Variants in CSNK1A1 observed in about 807,000 individuals in gnomAD.
CSNK1A1 encodes casein kinase I isoform alpha.
Under a neutral mutation model 46.1 loss-of-function variants are expected in CSNK1A1, and 7 were observed. The observed-to-expected ratio is 0.15, with a 90% confidence interval of 0.09 to 0.29. CSNK1A1 has a LOEUF of 0.29. CSNK1A1 is among the 10% of genes least tolerant of loss of function. The pLI, the probability that CSNK1A1 is intolerant of heterozygous loss-of-function variation, is 1.00. For missense variants in CSNK1A1, 96 were observed against 417.1 expected, an observed-to-expected ratio of 0.23 and a Z score of 6.71; for synonymous variants, 137 against 141.5, an observed-to-expected ratio of 0.97 and a Z score of 0.23.
chr5:149,550,992 C>A lies in CSNK1A1; in HGVS notation c.-28G>T. 1 of 1,613,144 alleles carries A rather than the reference C, an allele frequency of 6.2e-7. No homozygotes were observed. Among genetic ancestry groups the A allele is most frequent in the Non-Finnish European group, 8.5e-7 (1 of 1,179,762 alleles). ...TGAGAGACGAAGATGGAGGCTGGGG[C>A]CAAGCCCCGACACCTCTGGGAAGAG... On this transcript the variant is annotated 5_prime_UTR_variant, in exon 1 of 10. Coordinates refer to ENST00000377843, the MANE Select transcript of CSNK1A1 (RefSeq NM_001892.6). The surrounding 1 kb of genome is among the most constrained non-coding windows in gnomAD (Gnocchi z 4.3).
intron 9 of CSNK1A1, chr5:149,504,387 A>C: frequency 9.2e-6 from 9 of 978,318 alleles, no homozygotes; most frequent in Non-Finnish European, 1.1e-5. Flanking sequence ...AACACTAAAA[A>C]TGTGAAGCAA....
In CSNK1A1 at chr5:149,513,073, T is replaced by C; in HGVS notation, c.593A>G (p.Gln198Arg). 1 of 1,613,850 alleles carries C rather than the reference T, an allele frequency of 6.2e-7. No individual in the cohort carries two copies. Among genetic ancestry groups the C allele is most frequent in the Admixed American group, 1.7e-5 (1 of 59,980 alleles). The change falls in exon 5 of 10, where the codon CAG becomes CGG. Residue 198 changes from glutamine to arginine, a missense_variant. Transcript: ENST00000377843. ...ASINAHLGIE[Q>R]SRRDDMESLG... Reference sequence around the variant, plus strand: ...CACATTCCATTTTCGAACTTACCTCTGCTCAATACCAAGATGTGCATTGAT... The same window carrying C: ...CACATTCCATTTTCGAACTTACCTCCGCTCAATACCAAGATGTGCATTGAT...
intron 2 of CSNK1A1, among the ~76,000 whole-genome samples, chr5:149,529,260 T>A (rs188184916): frequency 6.7e-6 from 1 of 149,306 alleles, no homozygotes; most frequent in Non-Finnish European, 1.5e-5. Context: ...AATGAGTTCA[T>A]AATTTACACA....
intron 9 of CSNK1A1, chr5:149,504,947 G>A (rs887380968): frequency 1.1e-5 from 11 of 985,568 alleles, no homozygotes; most frequent in Non-Finnish European, 1.2e-5. Context: ...CTCACCTCTT[G>A]AAATTACAAC....
At chr5:149,544,881 A>C (rs1762422448) in intron 2 of CSNK1A1, among the ~76,000 whole-genome samples, 1 of 150,984 alleles carries the variant, frequency 6.6e-6, no homozygotes, top group Non-Finnish European at 1.5e-5. Context: ...CATGCCTGTA[A>C]TCCCAGCACT....
intron 6 of CSNK1A1, 59 bp downstream of exon 6, chr5:149,511,735 A>G: frequency 2.6e-6 from 3 of 1,166,318 alleles, no homozygotes; most frequent in Non-Finnish European, 3.8e-6. Flanking sequence ...ATCTTCTCCA[A>G]TATATATTTT....
At chr5:149,527,927 T>G (rs1255937427) in intron 2 of CSNK1A1, among the ~76,000 whole-genome samples, 1 of 152,202 alleles carries the variant, frequency 6.6e-6, no homozygotes, top group African/African-American at 2.4e-5. Flanking sequence ...ATGGCTCAGA[T>G]GTAAAACTAC....
chr5:149,507,537 T>C (rs189428053), intron 7 of CSNK1A1, among the ~76,000 whole-genome samples: 1 of 152,208 alleles, frequency 6.6e-6, no homozygotes, highest in East Asian at 1.9e-4. Flanking sequence ...CTCAGCTTAC[T>C]GCAACCTCCA....
intron 2 of CSNK1A1, among the ~76,000 whole-genome samples, chr5:149,532,368 AGAGT>A (rs1188971456): frequency 6.6e-6 from 1 of 151,804 alleles, no homozygotes; most frequent in African/African-American, 2.4e-5. Flanking sequence ...CCTGGGCCAC[AGAGT>A]GAGACTTAGT....
At chr5:149,507,500 T>G (rs1284307794) in intron 7 of CSNK1A1, among the ~76,000 whole-genome samples, 1 of 151,856 alleles carries the variant, frequency 6.6e-6, no homozygotes, top group Non-Finnish European at 1.5e-5. Flanking sequence ...TCAATCTGTC[T>G]CCCAGGCTGG....
At chr5:149,510,310 G>A (rs1761175766) in intron 6 of CSNK1A1, among the ~76,000 whole-genome samples, 1 of 152,096 alleles carries the variant, frequency 6.6e-6, no homozygotes, top group Non-Finnish European at 1.5e-5. Flanking sequence ...CCAGGCTGGA[G>A]TGCAGTAGCC....
At chr5:149,536,552 C>T (rs1219076151) in intron 2 of CSNK1A1, among the ~76,000 whole-genome samples, 1 of 152,064 alleles carries the variant, frequency 6.6e-6, no homozygotes, top group East Asian at 1.9e-4. Flanking sequence ...GTTTGTTTTA[C>T]GTAGCAAATA....
At chr5:149,541,732 T>C (rs1305997035) in intron 2 of CSNK1A1, among the ~76,000 whole-genome samples, 1 of 151,756 alleles carries the variant, frequency 6.6e-6, no homozygotes, top group African/African-American at 2.4e-5. Flanking sequence ...TCCCAGCACT[T>C]TGGGAGGCCG....
At chr5:149,535,786 C>T (rs938209167) in intron 2 of CSNK1A1, among the ~76,000 whole-genome samples, 1 of 151,982 alleles carries the variant, frequency 6.6e-6, no homozygotes, top group African/African-American at 2.4e-5. Flanking sequence ...GGATTACAGG[C>T]ACATGCTGCC....
At chr5:149,540,477 C>A (rs1253701510) in intron 2 of CSNK1A1, among the ~76,000 whole-genome samples, 1 of 152,118 alleles carries the variant, frequency 6.6e-6, no homozygotes, top group Non-Finnish European at 1.5e-5. Context: ...ATATTTACTA[C>A]CATCACCTGC....
Position 149,550,274 on chromosome 5 carries a change from C to A in CSNK1A1, c.124-93G>T. On this transcript the variant is annotated intron_variant, in intron 1 of 9. Coordinates refer to ENST00000377843, the MANE Select transcript of CSNK1A1 (RefSeq NM_001892.6). The surrounding 1 kb of genome is among the most constrained non-coding windows in gnomAD (Gnocchi z 4.3). ...GAGACATTAGCAAAACTCCAAGTCG[C>A]GACTACAAGAAGAAGTGAAAAGCTG... 1 of 1,501,926 alleles carries A rather than the reference C, an allele frequency of 6.7e-7. No individual in the cohort carries two copies. The allele number at this position is 1,501,926 out of a possible 1,614,324, so 93.0% of individuals were successfully genotyped here. A position where few individuals can be genotyped will look rare whatever the true frequency, so the allele number is the denominator to read the frequency against.
At chr5:149,519,376 A>C (rs1202977135) in intron 4 of CSNK1A1, among the ~76,000 whole-genome samples, 8 of 152,186 alleles carry the variant, frequency 5.3e-5, no homozygotes, top group Non-Finnish European at 1.2e-4. Flanking sequence ...CCACAAAAAA[A>C]CAAAAAAAGC....
At chr5:149,534,720 C>T (rs1762009004) in intron 2 of CSNK1A1, among the ~76,000 whole-genome samples, 1 of 151,602 alleles carries the variant, frequency 6.6e-6, no homozygotes, top group South Asian at 2.1e-4. Flanking sequence ...CACTTGAGCT[C>T]AGGTGGTTCG....
At chr5:149,512,877 C>CA (rs1374453538) in intron 5 of CSNK1A1, among the ~76,000 whole-genome samples, 193 bp downstream of exon 5, 3 of 152,134 alleles carry the variant, frequency 2.0e-5, no homozygotes, top group African/African-American at 7.2e-5. Context: ...TCAACAACAA[C>CA]AAAAAATCCA....
Sources: gnomAD v4.1 joint callset for allele counts (sites outside exome capture counted in the v4.1 genomes callset) on GRCh38, gnomAD v4.1.1 for gene constraint, Gnocchi (gnomAD v3.1) non-coding constraint, MANE v1.5 for transcripts, NCBI Gene and HGNC (gene_info 2026-07-23, HGNC 2026-07-21) for gene names.